The following SHISA9 variants were observed in gnomAD, a reference collection of about 807,000 sequenced individuals.
SHISA9 encodes protein shisa-9.
In SHISA9, 13 loss-of-function variants were observed where a neutral mutation model predicts 38.0. The ratio of observed to expected loss-of-function variants is 0.34; its 90% confidence interval spans 0.22 to 0.54. The LOEUF is 0.54. SHISA9 is among the 20% of genes least tolerant of loss of function. SHISA9 has a pLI of 0.91. For synonymous variants in SHISA9, 275 were observed against 242.0 expected, an observed-to-expected ratio of 1.14 and a Z score of -1.27; for missense variants, 538 against 575.8, an observed-to-expected ratio of 0.93 and a Z score of 0.67.
the SHISA9 span, among the ~76,000 whole-genome samples, chr16:13,410,186 T>C: frequency 6.6e-6 from 1 of 152,342 alleles, no homozygotes; most frequent in South Asian, 2.1e-4. Context: ...AAGTTGATTT[T>C]TAGTATGAAA....
At chr16:13,140,491 C>T (rs2050392791) in intron 2 of SHISA9, among the ~76,000 whole-genome samples, 1 of 152,044 alleles carries the variant, frequency 6.6e-6, no homozygotes, top group Non-Finnish European at 1.5e-5. Context: ...GTACTCCTTT[C>T]TGGGGGTACC....
intron 2 of SHISA9, among the ~76,000 whole-genome samples, chr16:13,160,520 A>ATG (rs199526388): frequency 0.014 from 2,107 of 152,330 alleles, 43 homozygotes; most frequent in African/African-American, 0.04. Context: ...ATGATGCTGA[A>ATG]TGCAGACTGT....
chr16:13,148,172 T>A (rs1367824338), intron 2 of SHISA9, among the ~76,000 whole-genome samples: 1 of 152,238 alleles, frequency 6.6e-6, no homozygotes, highest in East Asian at 1.9e-4. Context: ...CTTCCCGTAC[T>A]TCTGGTGCAT....
At chr16:13,050,544 C>T (rs2073239535) in intron 2 of SHISA9, among the ~76,000 whole-genome samples, 1 of 152,118 alleles carries the variant, frequency 6.6e-6, no homozygotes, top group African/African-American at 2.4e-5. Flanking sequence ...GTTGCCCAGG[C>T]CAATCTTGAA....
At chr16:13,169,465 T>G (rs2142019671) in intron 2 of SHISA9, among the ~76,000 whole-genome samples, 1 of 152,264 alleles carries the variant, frequency 6.6e-6, no homozygotes, top group East Asian at 1.9e-4. Flanking sequence ...GGGGTATTAA[T>G]TAGAGAGATA....
intron 3 of SHISA9, among the ~76,000 whole-genome samples, chr16:13,204,343 CTG>C (rs1223307464): frequency 1.3e-5 from 2 of 152,062 alleles, no homozygotes; most frequent in Non-Finnish European, 1.5e-5. Flanking sequence ...TTCTACATTG[CTG>C]TGTGAGGCAG....
chr16:13,430,723 T>C, the SHISA9 span, among the ~76,000 whole-genome samples: 1 of 148,088 alleles, frequency 6.8e-6, no homozygotes, highest in Non-Finnish European at 1.5e-5. Context: ...CTGGGCAATA[T>C]AGCCAGAACC....
the SHISA9 span, among the ~76,000 whole-genome samples, chr16:13,493,558 C>T: frequency 1.3e-5 from 2 of 152,156 alleles, no homozygotes; most frequent in Admixed American, 6.5e-5. Flanking sequence ...GGTCATGGCT[C>T]TTTTATTGAC....
At chr16:13,315,088 CT>C in the SHISA9 span, among the ~76,000 whole-genome samples, 4 of 136,346 alleles carry the variant, frequency 2.9e-5, no homozygotes, top group Admixed American at 7.2e-5. Flanking sequence ...CAAATAGAAC[CT>C]GCTGTTGGCA....
the SHISA9 span, among the ~76,000 whole-genome samples, chr16:13,547,822 T>C: frequency 6.6e-6 from 1 of 151,826 alleles, no homozygotes; most frequent in East Asian, 1.9e-4. Context: ...TAGTGAATAT[T>C]TATGAAAATA....
rs117577339 is a variant in SHISA9 at position 13,162,433 on chromosome 16, G to A, written c.692-40961G>A. The stretch of plus-strand genomic sequence containing the variant: ...GACTGTCAAGGAAAAACAGTTTGAG[G>A]CGTAGGGATGTTCTTTTTTACCTTG... On this transcript the variant is annotated intron_variant, in intron 2 of 4. Coordinates refer to ENST00000558583, the MANE Select transcript of SHISA9 (RefSeq NM_001145204.3). 1.3e-3 allele frequency among the ~76,000 whole-genome samples: 192 copies of A among 152,264 alleles called. 1 individual carries two copies. The highest frequency in any genetic ancestry group is 2.4e-3 in the Non-Finnish European group (161 of 68,004).
chr16:13,243,808 C>T (rs1250178179), downstream of SHISA9, among the ~76,000 whole-genome samples: 1 of 119,706 alleles, frequency 8.4e-6, no homozygotes, highest in African/African-American at 3.1e-5. Flanking sequence ...GAGTCTTGCT[C>T]TGTCACCAGG....
At chr16:13,219,890 G>A (rs144293090) in intron 4 of SHISA9, among the ~76,000 whole-genome samples, 158 of 152,196 alleles carry the variant, frequency 1.0e-3, no homozygotes, top group African/African-American at 3.6e-3. Flanking sequence ...CCCAGGAGGC[G>A]GAGGTTGCAG....
At chr16:13,025,094 T>C (rs1360124531) in intron 2 of SHISA9, among the ~76,000 whole-genome samples, 4 of 152,180 alleles carry the variant, frequency 2.6e-5, no homozygotes, top group African/African-American at 9.7e-5. Context: ...TCTAGGTATA[T>C]TAGATTTCCC....
chr16:13,477,512 G>T, the SHISA9 span, among the ~76,000 whole-genome samples: 1 of 152,168 alleles, frequency 6.6e-6, no homozygotes, highest in Non-Finnish European at 1.5e-5. Context: ...AAAAGGTGGT[G>T]GGGGGAGGTG....
intron 2 of SHISA9, among the ~76,000 whole-genome samples, chr16:13,118,730 C>CT (rs34471353): frequency 0.077 from 10,031 of 130,698 alleles, 1,097 homozygotes; most frequent in African/African-American, 0.24. Flanking sequence ...TTTCTTTTTT[C>CT]TTTTTTTTTT....
At chr16:13,434,478 C>A in the SHISA9 span, among the ~76,000 whole-genome samples, 1 of 140,726 alleles carries the variant, frequency 7.1e-6, no homozygotes, top group African/African-American at 2.7e-5. Flanking sequence ...AGTGCAGTGG[C>A]GCGATCTCGG....
At chr16:13,223,486 C>T (rs925038240) in intron 4 of SHISA9, among the ~76,000 whole-genome samples, 2 of 152,090 alleles carry the variant, frequency 1.3e-5, no homozygotes, top group Non-Finnish European at 2.9e-5. Context: ...TTCAAACTCC[C>T]AGCCATATTA....
the SHISA9 span, among the ~76,000 whole-genome samples, chr16:13,367,691 T>TGCGCGC: frequency 1.0e-5 from 1 of 98,598 alleles, no homozygotes; most frequent in African/African-American, 3.5e-5. Context: ...TGTACACGCG[T>TGCGCGC]GTGCGTGCGC....
Sources: allele counts gnomAD v4.1 joint callset (sites outside exome capture counted in the v4.1 genomes callset), GRCh38; gene constraint gnomAD v4.1.1; transcripts MANE v1.5; gene names NCBI Gene and HGNC (gene_info 2026-07-23, HGNC 2026-07-21).